IMMP2L: variants seen among roughly 807,000 people sequenced by gnomAD.
The protein encoded by IMMP2L is inner mitochondrial membrane peptidase subunit 2, also known as mitochondrial inner membrane protease subunit 2.
In IMMP2L, 18 loss-of-function variants were observed where a neutral mutation model predicts 19.3. The ratio of observed to expected loss-of-function variants is 0.93; its 90% CI spans 0.64 to 1.38. The LOEUF (loss-of-function observed/expected upper bound fraction) is 1.38. Ranked by LOEUF, IMMP2L falls within the 40% of genes most tolerant of loss-of-function variation. The pLI is 0.00. For missense variants in IMMP2L, 233 were observed against 218.2 expected, an observed-to-expected ratio of 1.07 and a Z score of -0.43; for synonymous variants, 76 against 73.0, an observed-to-expected ratio of 1.04 and a Z score of -0.21.
At chr7:110,698,670 A>G (rs1794051459) in intron 5 of IMMP2L, among the ~76,000 whole-genome samples, 1 of 152,220 alleles carries the variant, frequency 6.6e-6, no homozygotes, top group South Asian at 2.1e-4. Flanking sequence ...AGACAGGAGG[A>G]GCTCTGGGCC....
chr7:111,485,793 C>T (rs2132257785), intron 3 of IMMP2L, among the ~76,000 whole-genome samples: 1 of 151,836 alleles, frequency 6.6e-6, no homozygotes, highest in South Asian at 2.1e-4. Context: ...TTTATGGACC[C>T]ATGCAACCCT....
intron 3 of IMMP2L, among the ~76,000 whole-genome samples, chr7:110,981,594 G>A (rs1821305625): frequency 6.6e-6 from 1 of 151,296 alleles, no homozygotes; most frequent in Non-Finnish European, 1.5e-5. Context: ...GAAGTGATAA[G>A]TAGTGTTTGA....
At chr7:111,513,879 G>T in intron 2 of IMMP2L, among the ~76,000 whole-genome samples, 1 of 152,002 alleles carries the variant, frequency 6.6e-6, no homozygotes, top group East Asian at 1.9e-4. Context: ...CTTGTTATTT[G>T]TGACAGTGTG....
chr7:110,782,614 T>C (rs551042574), intron 5 of IMMP2L, among the ~76,000 whole-genome samples: 26 of 151,950 alleles, frequency 1.7e-4, no homozygotes, highest in Middle Eastern at 3.4e-3. Flanking sequence ...ATTAGGTCCC[T>C]TAAAAAAATA....
At chr7:110,730,848 G>A (rs930807249) in intron 5 of IMMP2L, among the ~76,000 whole-genome samples, 1 of 152,082 alleles carries the variant, frequency 6.6e-6, no homozygotes, top group Non-Finnish European at 1.5e-5. Flanking sequence ...TTACTCCTCA[G>A]TTTGCAGACA....
chr7:111,097,921 A>C (rs1368900199), intron 3 of IMMP2L, among the ~76,000 whole-genome samples: 1 of 151,874 alleles, frequency 6.6e-6, no homozygotes, highest in Non-Finnish European at 1.5e-5. Flanking sequence ...TAATGACCTT[A>C]AACTGCAGGT....
chr7:111,507,374 G>A (rs1312914503), intron 2 of IMMP2L, among the ~76,000 whole-genome samples: 1 of 151,742 alleles, frequency 6.6e-6, no homozygotes, highest in Non-Finnish European at 1.5e-5. Context: ...CAATATTTTC[G>A]CCTGGAAATC....
intron 3 of IMMP2L, among the ~76,000 whole-genome samples, chr7:111,301,042 C>A (rs1822178436): frequency 6.6e-6 from 1 of 152,032 alleles, no homozygotes; most frequent in African/African-American, 2.4e-5. Context: ...AGTGGCTGTA[C>A]AATTTTGTGT....
chr7:111,164,729 A>G (rs1273905407), intron 3 of IMMP2L, among the ~76,000 whole-genome samples: 2 of 152,096 alleles, frequency 1.3e-5, no homozygotes, highest in Non-Finnish European at 2.9e-5. Flanking sequence ...CCAGGCTCAC[A>G]AACATAGCAT....
chr7:111,094,405 C>T (rs1198276375), intron 3 of IMMP2L, among the ~76,000 whole-genome samples: 3 of 152,064 alleles, frequency 2.0e-5, no homozygotes, highest in South Asian at 2.1e-4. Flanking sequence ...TAAGGATGCT[C>T]CTCTAAAATG....
chr7:111,142,896 G>C, intron 3 of IMMP2L, among the ~76,000 whole-genome samples: 1 of 152,046 alleles, frequency 6.6e-6, no homozygotes, highest in East Asian at 1.9e-4. Flanking sequence ...TTTATTTTTA[G>C]ATAGTGATAT....
At chr7:110,923,424 G>A (rs1210759708) in intron 4 of IMMP2L, among the ~76,000 whole-genome samples, 1 of 152,068 alleles carries the variant, frequency 6.6e-6, no homozygotes, top group African/African-American at 2.4e-5. Flanking sequence ...GTCATTAATA[G>A]CATCAAAAAC....
At chr7:110,669,093 A>ATG (rs1554389199) in intron 5 of IMMP2L, among the ~76,000 whole-genome samples, 5 of 127,606 alleles carry the variant, frequency 3.9e-5, no homozygotes, top group Middle Eastern at 3.6e-3. Flanking sequence ...GTGTGTGTAT[A>ATG]TGTATATATA....
At chr7:111,527,442 A>G (rs1356939734) in intron 1 of IMMP2L, among the ~76,000 whole-genome samples, 2 of 150,650 alleles carry the variant, frequency 1.3e-5, no homozygotes, top group African/African-American at 4.9e-5. Flanking sequence ...GGTAGATTTA[A>G]TATCTAAGGT....
At chr7:111,017,310 T>A (rs1290564113) in intron 3 of IMMP2L, among the ~76,000 whole-genome samples, 1 of 151,972 alleles carries the variant, frequency 6.6e-6, no homozygotes, top group Admixed American at 6.6e-5. Context: ...GTGATCCTCT[T>A]GCCTGGGCCT....
intron 5 of IMMP2L, among the ~76,000 whole-genome samples, chr7:110,823,202 C>A (rs1208167743): frequency 1.3e-5 from 2 of 151,994 alleles, no homozygotes; most frequent in African/African-American, 4.8e-5. Context: ...CAACATTATT[C>A]AAATTGAATT....
At chr7:111,089,313 C>T in intron 3 of IMMP2L, among the ~76,000 whole-genome samples, 1 of 152,060 alleles carries the variant, frequency 6.6e-6, no homozygotes, top group East Asian at 1.9e-4. Context: ...TATGGGAGTG[C>T]ATTATAATTG....
intron 3 of IMMP2L, among the ~76,000 whole-genome samples, chr7:111,104,922 G>A (rs184735759): frequency 6.6e-6 from 1 of 151,548 alleles, no homozygotes; most frequent in African/African-American, 2.4e-5. Flanking sequence ...ACACAAAAGA[G>A]GAAGAAAAAC....
intron 3 of IMMP2L, among the ~76,000 whole-genome samples, chr7:111,132,542 C>T (rs986317024): frequency 6.6e-6 from 1 of 152,022 alleles, no homozygotes; most frequent in Non-Finnish European, 1.5e-5. Flanking sequence ...CACATCAACA[C>T]CAACAGCTTA....
Sources: gnomAD v4.1 joint callset for allele counts (sites outside exome capture counted in the v4.1 genomes callset) on GRCh38, gnomAD v4.1.1 for gene constraint, MANE v1.5 for transcripts, NCBI Gene and HGNC (gene_info 2026-07-23, HGNC 2026-07-21) for gene names.